TAB2: variants seen among roughly 807,000 people sequenced by gnomAD.
TAB2 encodes TGF-beta activated kinase 1 (MAP3K7) binding protein 2, also known as TGF-beta-activated kinase 1 and MAP3K7-binding protein 2.
TAB2 carries 3 observed loss-of-function variants against 65.0 expected under a neutral mutation model. That is an observed-to-expected ratio of 0.05 (90% CI 0.02 to 0.12). TAB2 has a LOEUF of 0.12. TAB2 is among the 10% of genes least tolerant of loss of function. The pLI is 1.00. For missense variants in TAB2, 623 were observed against 840.3 expected, an observed-to-expected ratio of 0.74 and a Z score of 3.20; for synonymous variants, 298 against 285.1, an observed-to-expected ratio of 1.05 and a Z score of -0.46.
chr6:149,264,515 G>A (rs1328647406), intron 1 of TAB2, among the ~76,000 whole-genome samples: 2 of 152,100 alleles, frequency 1.3e-5, no homozygotes, highest in Admixed American at 6.5e-5. Context: ...CCTGTAAAAT[G>A]TTGCTTCATG....
chr6:149,326,777 A>C (rs1470953513), intron 1 of TAB2, among the ~76,000 whole-genome samples: 1 of 152,014 alleles, frequency 6.6e-6, no homozygotes, highest in Non-Finnish European at 1.5e-5. Context: ...CGAACTCCTG[A>C]CCTCAGGTGA....
intron 1 of TAB2, among the ~76,000 whole-genome samples, chr6:149,271,958 C>T (rs940813840): frequency 2.6e-5 from 4 of 152,090 alleles, no homozygotes; most frequent in African/African-American, 4.8e-5. Context: ...GTGTCAGACG[C>T]CCACACAAAA....
intron 1 of TAB2, among the ~76,000 whole-genome samples, chr6:149,362,880 A>G (rs1242696936): frequency 1.3e-5 from 2 of 152,154 alleles, no homozygotes; most frequent in African/African-American, 4.8e-5. Flanking sequence ...TACAATAGTA[A>G]TGTTTCTCCC....
intron 1 of TAB2, among the ~76,000 whole-genome samples, chr6:149,345,473 T>G (rs1339876850): frequency 6.6e-6 from 1 of 152,136 alleles, no homozygotes; most frequent in Non-Finnish European, 1.5e-5. Flanking sequence ...TTCTGTTCTA[T>G]TCTTACTCTA....
chr6:149,236,516 T>C (rs1274111067), intron 1 of TAB2, among the ~76,000 whole-genome samples: 1 of 152,186 alleles, frequency 6.6e-6, no homozygotes, highest in Non-Finnish European at 1.5e-5. Context: ...ACACCACATC[T>C]GAGGTTTCTA....
intron 1 of TAB2, among the ~76,000 whole-genome samples, chr6:149,262,789 C>T (rs1244013020): frequency 5.3e-5 from 8 of 151,956 alleles, no homozygotes; most frequent in Admixed American, 4.6e-4. Flanking sequence ...CTCTTAACTC[C>T]TTTTTTTCCT....
chr6:149,314,961 C>T (rs541674681), upstream of TAB2, among the ~76,000 whole-genome samples: 2 of 151,156 alleles, frequency 1.3e-5, no homozygotes, highest in South Asian at 4.2e-4. Context: ...GGATAAAAGA[C>T]ACTGAATATT....
intron 1 of TAB2, among the ~76,000 whole-genome samples, chr6:149,259,923 A>G (rs2114666117): frequency 6.6e-6 from 1 of 152,302 alleles, no homozygotes; most frequent in South Asian, 2.1e-4. Flanking sequence ...ACTTCATTCT[A>G]TAGTCAAGAG....
intron 1 of TAB2, among the ~76,000 whole-genome samples, chr6:149,288,355 T>C (rs1023260789): frequency 3.0e-4 from 46 of 152,298 alleles, no homozygotes; most frequent in African/African-American, 1.1e-3. Flanking sequence ...CCTGCCCCAT[T>C]GTAGACTCTG....
At chr6:149,376,170 A>G (rs1455526557) in intron 2 of TAB2, among the ~76,000 whole-genome samples, 2 of 152,090 alleles carry the variant, frequency 1.3e-5, no homozygotes, top group African/African-American at 2.4e-5. Context: ...ATTTATTTCC[A>G]TTATCAAACT....
chr6:149,288,116 T>C (rs1223206546), intron 1 of TAB2, among the ~76,000 whole-genome samples: 1 of 152,212 alleles, frequency 6.6e-6, no homozygotes, highest in East Asian at 1.9e-4. Context: ...AACTACCATA[T>C]GTGGACTATC....
At chr6:149,318,436 G>A (rs949600558) in intron 1 of TAB2, 7 of 148,366 alleles carry the variant, frequency 4.7e-5, no homozygotes, top group East Asian at 2.1e-4. Context: ...CTTTTGGGGA[G>A]CCGAGGTCTA....
chr6:149,329,721 C>T (rs1365588571), intron 1 of TAB2, among the ~76,000 whole-genome samples: 1 of 151,930 alleles, frequency 6.6e-6, no homozygotes, highest in East Asian at 1.9e-4. Context: ...ACTGTGTATG[C>T]TGTTCATGTA....
At chr6:149,315,048 T>C (rs1469529549), upstream of TAB2, among the ~76,000 whole-genome samples, 5 of 152,032 alleles carry the variant, frequency 3.3e-5, no homozygotes, top group African/African-American at 4.8e-5. Context: ...CAAATCCAAA[T>C]AGATTAAATA....
chr6:149,245,320 C>T (rs1251082017), intron 1 of TAB2: 2 of 152,268 alleles, frequency 1.3e-5, no homozygotes, highest in African/African-American at 2.4e-5. Flanking sequence ...GACCAGAGGA[C>T]TTGCAGCCAT....
chr6:149,268,023 A>C (rs1178167424), intron 1 of TAB2, among the ~76,000 whole-genome samples: 2 of 152,204 alleles, frequency 1.3e-5, no homozygotes, highest in African/African-American at 4.8e-5. Flanking sequence ...AGCTATAGCA[A>C]AATATACTCT....
chr6:149,321,136 A>G (rs1779443117), intron 1 of TAB2: 1 of 152,178 alleles, frequency 6.6e-6, no homozygotes, highest in Non-Finnish European at 1.5e-5. Context: ...GAACTGTACA[A>G]AGGAGATTGT....
At chr6:149,323,264 C>T (rs980058691) in intron 1 of TAB2, among the ~76,000 whole-genome samples, 1 of 152,022 alleles carries the variant, frequency 6.6e-6, no homozygotes, top group Non-Finnish European at 1.5e-5. Context: ...AAAAAATATT[C>T]TAGAAATTGA....
intron 1 of TAB2, among the ~76,000 whole-genome samples, chr6:149,249,067 T>A (rs1191813491): frequency 6.6e-6 from 1 of 151,822 alleles, no homozygotes; most frequent in African/African-American, 2.4e-5. Context: ...CTCATCTAGT[T>A]TCAAAGTTTA....
Sources: allele counts gnomAD v4.1 joint callset (sites outside exome capture counted in the v4.1 genomes callset), GRCh38; gene constraint gnomAD v4.1.1; transcripts MANE v1.5; gene names NCBI Gene and HGNC (gene_info 2026-07-23, HGNC 2026-07-21).